Variants in HMOX2 observed in about 807,000 individuals in gnomAD.
HMOX2 encodes heme oxygenase (decycling) 2.
In HMOX2, 30 loss-of-function variants were observed where a neutral mutation model predicts 33.7. The ratio of observed to expected loss-of-function variants is 0.89; its 90% CI spans 0.67 to 1.21. The LOEUF (loss-of-function observed/expected upper bound fraction) is 1.21, where lower values mean the gene tolerates loss of function less well. HMOX2 is among the 50% of genes most tolerant of loss of function. The pLI is 0.00. For synonymous variants in HMOX2, 155 were observed against 155.0 expected, an observed-to-expected ratio of 1.00 and a Z score of 0.00; for missense variants, 403 against 399.1, an observed-to-expected ratio of 1.01 and a Z score of -0.08.
chr16:4,495,490 T>C (rs1475032613), intron 1 of HMOX2: 1 of 152,206 alleles, frequency 6.6e-6, no homozygotes, highest in African/African-American at 2.4e-5. Context: ...TGGGCAGTCA[T>C]TGTGAAGAAG....
chr16:4,482,703 C>T (rs1045317076), intron 1 of HMOX2, among the ~76,000 whole-genome samples: 3 of 152,132 alleles, frequency 2.0e-5, no homozygotes, highest in African/African-American at 4.8e-5. Context: ...ACTTTACTTA[C>T]ATTTACCAAT....
chr16:4,508,748 T>C (rs2058756872), intron 4 of HMOX2, among the ~76,000 whole-genome samples: 1 of 152,134 alleles, frequency 6.6e-6, no homozygotes, highest in Non-Finnish European at 1.5e-5. Context: ...AGGTTTTCTG[T>C]TGCTTCTTGA....
chr16:4,493,405 C>T (rs1185950126), intron 1 of HMOX2, among the ~76,000 whole-genome samples: 1 of 152,166 alleles, frequency 6.6e-6, no homozygotes, highest in African/African-American at 2.4e-5. Flanking sequence ...TAATCAGCAC[C>T]ATATGATGTC....
upstream of HMOX2, among the ~76,000 whole-genome samples, chr16:4,475,267 A>C (rs991048468): frequency 2.0e-5 from 3 of 150,298 alleles, no homozygotes; most frequent in South Asian, 4.2e-4. Flanking sequence ...CTCACTTCTG[A>C]AGTTGCTGCT....
At chr16:4,505,771 C>T (rs773402835) in intron 2 of HMOX2, among the ~76,000 whole-genome samples, 161 bp downstream of exon 2, 15 of 152,194 alleles carry the variant, frequency 9.9e-5, no homozygotes, top group Non-Finnish European at 4.4e-5. Flanking sequence ...CATACAGCTT[C>T]GGCTGCTTAG....
At chr16:4,496,367 G>C (rs2141575333) in intron 1 of HMOX2, 1 of 152,034 alleles carries the variant, frequency 6.6e-6, no homozygotes, top group South Asian at 2.1e-4. Flanking sequence ...CAAGTGATCT[G>C]CCCGCCTCGG....
intron 1 of HMOX2, among the ~76,000 whole-genome samples, chr16:4,498,061 CTTTTTTTTT>C (rs35332500): frequency 9.6e-6 from 1 of 104,426 alleles, no homozygotes; most frequent in African/African-American, 3.7e-5. Flanking sequence ...GATTCATTGT[CTTTTTTTTT>C]TTTTTTTTTT....
chr16:4,507,587 C>A, intron 3 of HMOX2, 126 bp from the exon 4 acceptor site: 1 of 914,230 alleles, frequency 1.1e-6, no homozygotes. Flanking sequence ...TTAAATAATT[C>A]ACTACATAAA....
In HMOX2 at chr16:4,507,822, G is replaced by A. The variant is rs151216051; in HGVS notation, c.314G>A (p.Arg105Gln). 4 of 1,614,086 alleles carry A rather than the reference G, an allele frequency of 2.5e-6. No individual in the cohort carries two copies. The highest frequency in any genetic ancestry group is 1.3e-5 in the African/African-American group (1 of 74,934). The change falls in exon 4 of 6, where the codon CGG (arginine) becomes CAG (glutamine). Residue 105 changes from arginine to glutamine, a missense_variant. Arg to Gln is a conservative substitution (Grantham distance 43). Transcript: ENST00000570646. ...TTGTACTTCCCCATGGAGCTGCACC[G>A]GAAGGAGGCGCTGACCAAGGACATG... ...APLYFPMELHRKEALTKDMEY... is the reference protein window; with the variant it reads ...APLYFPMELHQKEALTKDMEY...
chr16:4,479,724 C>CTT (rs1567377353), intron 1 of HMOX2, among the ~76,000 whole-genome samples: 4 of 93,888 alleles, frequency 4.3e-5, no homozygotes, highest in Admixed American at 1.2e-4. Context: ...TTTTCTTATT[C>CTT]TATTTTTTTT....
chr16:4,487,516 T>C (rs1442996373), intron 1 of HMOX2, among the ~76,000 whole-genome samples: 1 of 150,474 alleles, frequency 6.6e-6, no homozygotes, highest in African/African-American at 2.5e-5. Context: ...ACTAAAAATA[T>C]AAAATTGCTG....
intron 1 of HMOX2, among the ~76,000 whole-genome samples, chr16:4,483,476 T>C (rs1215521654): frequency 6.6e-6 from 1 of 152,074 alleles, no homozygotes; most frequent in Non-Finnish European, 1.5e-5. Flanking sequence ...ACAAAAGTTT[T>C]AGGAGCTCTG....
At chr16:4,475,230 G>A (rs999723599), upstream of HMOX2, among the ~76,000 whole-genome samples, 1 of 152,124 alleles carries the variant, frequency 6.6e-6, no homozygotes, top group African/African-American at 2.4e-5. Flanking sequence ...TGGGAGTACA[G>A]GTGGGAGCCA....
intron 5 of HMOX2, 37 bp from the exon 6 acceptor site, chr16:4,509,592 C>T: frequency 6.2e-7 from 1 of 1,613,778 alleles, no homozygotes; most frequent in South Asian, 1.1e-5. Flanking sequence ...CAGGAGACTC[C>T]ACTGATGCCA....
At chr16:4,485,012 C>T (rs1596448283) in intron 1 of HMOX2, among the ~76,000 whole-genome samples, 1 of 151,892 alleles carries the variant, frequency 6.6e-6, no homozygotes, top group Admixed American at 6.6e-5. Flanking sequence ...GTCACCGAGG[C>T]TGGAGTGCAG....
chr16:4,502,220 T>C (rs1480766181), intron 1 of HMOX2, among the ~76,000 whole-genome samples: 3 of 152,208 alleles, frequency 2.0e-5, no homozygotes, highest in African/African-American at 7.2e-5. Context: ...CCACTGTGCC[T>C]GGCTCCTTTT....
chr16:4,485,826 A>G (rs1391956351), intron 1 of HMOX2, among the ~76,000 whole-genome samples: 5 of 151,986 alleles, frequency 3.3e-5, no homozygotes, highest in Admixed American at 3.3e-4. Flanking sequence ...CCGGGTTCAA[A>G]CAATTCTCCT....
Position 4,508,223 on chromosome 16 carries a change from AGCT to A in HMOX2, c.696+23_696+25del. On this transcript the variant is annotated intron_variant, in intron 4 of 5. Coordinates refer to ENST00000570646, the MANE Select transcript of HMOX2 (RefSeq NM_002134.4). ...CATGCAGGTACTATTGGGGGCTGCCAGCTGCTAGGGCTGAAGAGGGAAACTTTG... is the reference window on the plus strand; with the variant it reads ...CATGCAGGTACTATTGGGGGCTGCCAGCTAGGGCTGAAGAGGGAAACTTTG... 1 of 1,581,626 alleles carries A rather than the reference AGCT, an allele frequency of 6.3e-7. No individual in the cohort carries two copies. Among genetic ancestry groups the A allele is most frequent in the South Asian group, 1.2e-5 (1 of 85,798 alleles).
chr16:4,475,888 G>C (rs2057811079), upstream of HMOX2: 1 of 152,186 alleles, frequency 6.6e-6, no homozygotes, highest in African/African-American at 2.4e-5. Flanking sequence ...GCAGTGAGCC[G>C]AGATCACGTC....
Sources: gnomAD v4.1 joint callset for allele counts (sites outside exome capture counted in the v4.1 genomes callset) on GRCh38, gnomAD v4.1.1 for gene constraint, MANE v1.5 for transcripts, NCBI Gene and HGNC (gene_info 2026-07-23, HGNC 2026-07-21) for gene names.